SPTBN4: variants seen among roughly 807,000 people sequenced by gnomAD.
SPTBN4 encodes the protein spectrin beta chain, non-erythrocytic 4.
A neutral mutation model predicts 277.8 loss-of-function variants in SPTBN4; 96 were observed. That is an observed-to-expected ratio of 0.35 (90% CI 0.29 to 0.41). The LOEUF is 0.41. SPTBN4 is among the 10% of genes least tolerant of loss of function. The probability of loss-of-function intolerance (pLI) is 1.00; values close to 1 mark genes in which losing one functional copy is unlikely to be tolerated. For synonymous variants in SPTBN4, 1,481 were observed against 1,580.3 expected, an observed-to-expected ratio of 0.94 and a Z score of 1.49; for missense variants, 3,006 against 3,595.7, an observed-to-expected ratio of 0.84 and a Z score of 4.19.
chr19:40,497,478 C>T lies in SPTBN4; in HGVS notation c.669-11C>T. ...CTGCCTGCTGCCTGCCTGCTCTGTG[C>T]CCCTGCCCAGGCCTGATCTCGTGGA... On this transcript the variant is annotated splice_polypyrimidine_tract_variant and intron_variant, in intron 6 of 35. Coordinates refer to ENST00000598249, the MANE Select transcript of SPTBN4 (RefSeq NM_020971.3). 6.2e-7 allele frequency: 1 copy of T among 1,605,920 alleles called. No homozygotes were observed. The highest frequency in any genetic ancestry group is 1.1e-5 in the South Asian group (1 of 90,938).
intron 18 of SPTBN4, chr19:40,530,491 G>A: frequency 1.0e-6 from 1 of 979,744 alleles, no homozygotes; most frequent in South Asian, 4.7e-5. Flanking sequence ...GGCCGCCGGA[G>A]CCTCAGCCTT....
rs780857492 is a variant in SPTBN4, at chr19:40,534,150, G to A, written c.4166G>A (p.Arg1389His). Reference sequence around the variant, plus strand: ...GTGCGGAAGAAGCTGGGCGAGATCCGCCAGTGCTGGGCGGAGCTGGAGAGC... The same window carrying A: ...GTGCGGAAGAAGCTGGGCGAGATCCACCAGTGCTGGGCGGAGCTGGAGAGC... ...ASVRKKLGEI[R>H]QCWAELESTT... Residue 1389 changes from arginine (R) to histidine (H), a missense_variant, in exon 20 of 36, where the codon CGC (arginine) becomes CAC (histidine). Arg to His is a conservative substitution (Grantham distance 29, BLOSUM62 0). This residue lies in a region of SPTBN4 where 1,759 missense variants were observed against 2,061.5 expected (regional missense o/e 0.85). Transcript: ENST00000598249. 48 of 1,612,774 alleles carry A rather than the reference G, an allele frequency of 3.0e-5. 1 individual carries two copies. The Admixed American group carries it at 6.7e-4, about 22-fold the overall frequency.
chr19:40,468,277 A>G (rs2079849152), intron 1 of SPTBN4, among the ~76,000 whole-genome samples: 1 of 151,254 alleles, frequency 6.6e-6, no homozygotes, highest in South Asian at 2.1e-4. Flanking sequence ...GGGTTTCACT[A>G]TGTTGGTAAG....
intron 26 of SPTBN4, among the ~76,000 whole-genome samples, chr19:40,559,805 TA>T (rs373090341): frequency 8.0e-5 from 12 of 150,728 alleles, no homozygotes; most frequent in East Asian, 2.0e-4. Flanking sequence ...TAAACTGAGT[TA>T]AAAAAAAATT....
chr19:40,476,867 A>G (rs983980170), intron 2 of SPTBN4, among the ~76,000 whole-genome samples: 6 of 151,564 alleles, frequency 4.0e-5, no homozygotes, highest in Admixed American at 1.3e-4. Flanking sequence ...AATTACAGGC[A>G]TGAGCCACCG....
intron 6 of SPTBN4, among the ~76,000 whole-genome samples, chr19:40,495,378 C>G (rs1035862778): frequency 6.6e-6 from 1 of 152,182 alleles, no homozygotes; most frequent in African/African-American, 2.4e-5. Flanking sequence ...CGCAGTGGCT[C>G]ACACTTGTAA....
chr19:40,523,657 A>G lies in SPTBN4; in HGVS notation c.3857+18A>G, dbSNP rs1159963365. ...CTGGAGAAGTAGGTCCCCTAGACCC[A>G]TCCACCCCAGGGAGGGGGCAGAAGA... On this transcript the variant is annotated intron_variant, in intron 17 of 35. Transcript: ENST00000598249. The G allele has an allele frequency of 3.1e-6, 5 of 1,592,228 alleles. No homozygotes were observed. The highest frequency in any genetic ancestry group is 2.6e-6 in the Non-Finnish European group (3 of 1,166,214).
At chr19:40,518,915 A>G (rs143601511) in intron 15 of SPTBN4, among the ~76,000 whole-genome samples, 2 of 152,066 alleles carry the variant, frequency 1.3e-5, no homozygotes, top group Non-Finnish European at 2.9e-5. Context: ...TCTTAAAAAA[A>G]TTTTTTTAAA....
chr19:40,509,682 G>A (rs567295423), intron 13 of SPTBN4, among the ~76,000 whole-genome samples: 6 of 152,312 alleles, frequency 3.9e-5, no homozygotes, highest in South Asian at 2.1e-4. Flanking sequence ...CTTGAGGCTG[G>A]TCCGTATCTC....
At chr19:40,483,743 C>A (rs1252363050) in intron 2 of SPTBN4, among the ~76,000 whole-genome samples, 1 of 152,046 alleles carries the variant, frequency 6.6e-6, no homozygotes, top group African/African-American at 2.4e-5. Flanking sequence ...TGCCAAATAG[C>A]AGGTTTTGGC....
intron 20 of SPTBN4, 99 bp from the exon 21 acceptor site, chr19:40,549,090 C>T (rs938230843): frequency 1.8e-5 from 18 of 992,770 alleles, no homozygotes; most frequent in Non-Finnish European, 2.3e-5. Context: ...AAGGGTGGGC[C>T]GCGGTGAGGG....
chr19:40,575,824 T>C lies in SPTBN4; in HGVS notation c.*255T>C, dbSNP rs2081197396. 1 of 341,968 alleles carries C rather than the reference T, an allele frequency of 2.9e-6. No homozygotes were observed. Among genetic ancestry groups the C allele is most frequent in the Admixed American group, 4.7e-5 (1 of 21,268 alleles). The allele number at this position is 341,968 out of a possible 1,614,324, so 21.2% of individuals were successfully genotyped here. On this transcript the variant is annotated 3_prime_UTR_variant, in exon 36 of 36. Coordinates refer to ENST00000598249, the MANE Select transcript of SPTBN4 (RefSeq NM_020971.3). ...AGGTGCTGGGGGTCCCTTATTTTTA[T>C]GCAATAACTGAGCTTGATGGGGGTG...
chr19:40,534,321 A>G lies in SPTBN4; in HGVS notation c.4337A>G (p.Asn1446Ser). Residue 1446 changes from asparagine to serine, a missense_variant, in exon 20 of 36, where the codon AAC becomes AGC. Coordinates refer to ENST00000598249, the MANE Select transcript of SPTBN4 (RefSeq NM_020971.3). ...VDPGGDLATV[N>S]SQLKKLQSME... Reference sequence around the variant, plus strand: ...CCTGGAGGAGACCTGGCCACTGTCAACAGTCAGCTCAAGAAGCTGCAGGTA... The same window carrying G: ...CCTGGAGGAGACCTGGCCACTGTCAGCAGTCAGCTCAAGAAGCTGCAGGTA... The G allele has an allele frequency of 6.2e-7, 1 of 1,613,722 alleles. No homozygotes were observed. Among genetic ancestry groups the G allele is most frequent in the East Asian group, 2.2e-5 (1 of 44,882 alleles).
In SPTBN4 at chr19:40,570,460, C is replaced by G; in HGVS notation, c.7051C>G (p.Leu2351Val). Residue 2351 changes from leucine (L) to valine (V), a missense_variant, in exon 33 of 36, where the codon CTT (leucine) becomes GTT (valine). By Grantham distance (32) the Leu-to-Val change is conservative (BLOSUM62 1). This residue lies in a region of SPTBN4 where 630 missense variants were observed against 677.6 expected (regional missense o/e 0.93). Coordinates refer to ENST00000598249, the MANE Select transcript of SPTBN4 (RefSeq NM_020971.3). Reference sequence around the variant, plus strand: ...GCCGTCGCTGCCTCAGCCACGCGAGCTTCCCCCAGGTCGCCTGCCCAACGG... The same window carrying G: ...GCCGTCGCTGCCTCAGCCACGCGAGGTTCCCCCAGGTCGCCTGCCCAACGG... ...AGPSLPQPRE[L>V]PPGRLPNGLE... is the part of the protein sequence containing the mutation. 6.4e-7 allele frequency: 1 copy of G among 1,566,686 alleles called. No individual in the cohort carries two copies. The highest frequency in any genetic ancestry group is 8.6e-7 in the Non-Finnish European group (1 of 1,165,396).
Position 40,512,894 on chromosome 19 carries a change from A to G in SPTBN4, c.2105A>G (p.Lys702Arg). The G allele has an allele frequency of 7.0e-7, 1 of 1,437,914 alleles. No homozygotes were observed. Among genetic ancestry groups the G allele is most frequent in the Non-Finnish European group, 9.0e-7 (1 of 1,106,552 alleles). The allele number at this position is 1,437,914 out of a possible 1,614,324, so 89.1% of individuals were successfully genotyped here. Residue 702 changes from lysine to arginine, a missense_variant, in exon 14 of 36, where the codon AAG (lysine) becomes AGG (arginine). Transcript: ENST00000598249. ...SSTARLLAQH[K>R]ILQGELGGRR... ...ACAGCGCGCCTCCTGGCCCAGCACA[A>G]GATCCTGCAGGGCGAGCTGGGCGGG...
chr19:40,575,008 C>CT (rs1245503632), intron 35 of SPTBN4, among the ~76,000 whole-genome samples: 2 of 125,606 alleles, frequency 1.6e-5, no homozygotes, highest in Non-Finnish European at 3.3e-5. Context: ...GAGCAAGACT[C>CT]TGTCTCAAAA....
intron 20 of SPTBN4, among the ~76,000 whole-genome samples, chr19:40,541,773 C>T (rs376517740): frequency 1.3e-5 from 2 of 152,156 alleles, no homozygotes; most frequent in East Asian, 3.9e-4. Context: ...GAGACAGAAT[C>T]TTACTCTGTC....
rs140835276 is a variant in SPTBN4 at position 40,536,221 on chromosome 19, C to G, written c.4359+1878C>G. ...TTTCCCCTCCCTTCCTTCCTTCCTT[C>G]CTTGCTTCCTTCGTTGGAGTCTTGC... is the stretch of plus-strand genomic sequence containing the variant. On this transcript the variant is annotated intron_variant, in intron 20 of 35. Coordinates refer to ENST00000598249, the MANE Select transcript of SPTBN4 (RefSeq NM_020971.3). Among the ~76,000 whole-genome samples, 579 of 151,704 alleles carry G rather than the reference C, an allele frequency of 3.8e-3. 7 individuals carry two copies. The highest frequency in any genetic ancestry group is 0.013 in the African/African-American group (538 of 41,366).
At chr19:40,474,039 C>G (rs956603887) in intron 2 of SPTBN4, among the ~76,000 whole-genome samples, 1 of 148,630 alleles carries the variant, frequency 6.7e-6, no homozygotes, top group Admixed American at 6.9e-5. Context: ...GTAGTTCCAG[C>G]TATTTGGGAG....
Sources: allele counts gnomAD v4.1 joint callset (sites outside exome capture counted in the v4.1 genomes callset), GRCh38; gene constraint gnomAD v4.1.1; regional missense constraint gnomAD v4.1.1; transcripts MANE v1.5; gene names NCBI Gene and HGNC (gene_info 2026-07-23, HGNC 2026-07-21).